The following DGKH variants were observed in gnomAD, a reference collection of about 807,000 sequenced individuals.
The protein encoded by DGKH is DAG kinase eta.
DGKH carries 90 observed loss-of-function variants against 159.3 expected under a neutral mutation model. The ratio of observed to expected loss-of-function variants is 0.57; its 90% CI spans 0.48 to 0.67. DGKH has a LOEUF of 0.67. DGKH is among the 30% of genes least tolerant of loss of function. The pLI is 0.00. For missense variants in DGKH, 1,181 were observed against 1,506.1 expected (o/e 0.78, Z 3.57); for synonymous variants, 536 against 553.8 (o/e 0.97, Z 0.45).
chr13:42,114,305 G>A (rs1435480612), intron 1 of DGKH, among the ~76,000 whole-genome samples: 1 of 152,206 alleles, frequency 6.6e-6, no homozygotes. Context: ...CTGGGTTCCT[G>A]CCAAGGGTCT....
chr13:42,199,957 A>T (rs540390209), intron 20 of DGKH, 48 bp downstream of exon 20: 180 of 1,500,240 alleles, frequency 1.2e-4, no homozygotes, highest in Non-Finnish European at 1.5e-4. Context: ...TTACTTAAAA[A>T]AAATATCGTT....
At chr13:42,041,273 G>A (rs988772864) in intron 1 of DGKH, among the ~76,000 whole-genome samples, 1 of 152,188 alleles carries the variant, frequency 6.6e-6, no homozygotes, top group African/African-American at 2.4e-5. Context: ...CGCGGTCAGC[G>A]TGGGGAGTCT....
intron 17 of DGKH, 43 bp downstream of exon 17, chr13:42,195,059 G>A: frequency 6.3e-7 from 1 of 1,598,470 alleles, no homozygotes; most frequent in Non-Finnish European, 8.5e-7. Flanking sequence ...CAGTATTTCT[G>A]TGAAAAGGTG....
chr13:42,232,418 C>T lies in DGKH; in HGVS notation c.*3230C>T, dbSNP rs1408179581. Reference sequence around the variant, plus strand: ...GACAGAATCAGACCTAAATAAAATTCCTGAGTATGCAATATTTCTCTTTAG... The same window carrying T: ...GACAGAATCAGACCTAAATAAAATTTCTGAGTATGCAATATTTCTCTTTAG... On this transcript the variant is annotated 3_prime_UTR_variant, in exon 30 of 30. Coordinates refer to ENST00000337343, the MANE Select transcript of DGKH (RefSeq NM_178009.5). The T allele has an allele frequency of 1.3e-5, 2 of 152,150 alleles. No homozygotes were observed. Among genetic ancestry groups the T allele is most frequent in the African/African-American group, 2.4e-5 (1 of 41,442 alleles). The allele number at this position is 152,150 out of a possible 1,614,324, so 9.4% of individuals were successfully genotyped here.
At chr13:42,151,529 GTGTA>G (rs1955890231) in intron 3 of DGKH, among the ~76,000 whole-genome samples, 2 of 69,632 alleles carry the variant, frequency 2.9e-5, no homozygotes, top group Admixed American at 4.5e-4. Flanking sequence ...ATATATACAC[GTGTA>G]TATATATATA....
chr13:42,219,593 T>G, intron 27 of DGKH, 93 bp from the exon 28 acceptor site: 2 of 1,304,216 alleles, frequency 1.5e-6, no homozygotes, highest in Non-Finnish European at 2.1e-6. Context: ...TGTTTAGTGT[T>G]TATAACTTAT....
chr13:42,105,189 A>G (rs1954724550), intron 1 of DGKH, among the ~76,000 whole-genome samples: 1 of 152,168 alleles, frequency 6.6e-6, no homozygotes, highest in African/African-American at 2.4e-5. Context: ...AGGGGCTGGC[A>G]TCTTGTAAGG....
At chr13:42,070,242 T>A (rs942445221) in intron 1 of DGKH, 7 of 1,145,624 alleles carry the variant, frequency 6.1e-6, no homozygotes, top group Non-Finnish European at 8.0e-6. Flanking sequence ...GACTAATTCC[T>A]GGAAGTAGCT....
chr13:42,207,577 T>C (rs1312314102), intron 21 of DGKH, among the ~76,000 whole-genome samples: 2 of 151,672 alleles, frequency 1.3e-5, no homozygotes, highest in African/African-American at 4.8e-5. Flanking sequence ...CGGTCGAGTT[T>C]AGGGCTATTT....
In DGKH at chr13:42,215,558, A is replaced by G; in HGVS notation, c.3121-17A>G. The G allele has an allele frequency of 1.3e-6, 2 of 1,578,766 alleles. No individual in the cohort carries two copies. Among genetic ancestry groups the G allele is most frequent in the Non-Finnish European group, 1.7e-6 (2 of 1,152,520 alleles). On this transcript the variant is annotated splice_polypyrimidine_tract_variant and intron_variant, in intron 25 of 29. Transcript: ENST00000337343. ...TTTTAATACAGATCACATGTCTTTG[A>G]TATTCTTCTTTTCTAGAGTCTTACA... is the stretch of plus-strand genomic sequence containing the variant.
chr13:42,134,363 C>T (rs1277533857), intron 3 of DGKH, among the ~76,000 whole-genome samples: 1 of 152,200 alleles, frequency 6.6e-6, no homozygotes, highest in Admixed American at 6.5e-5. Context: ...GATTACTCTT[C>T]CTTTCTTGTG....
At chr13:42,216,692 G>A (rs1027576910) in intron 26 of DGKH, 1 of 152,196 alleles carries the variant, frequency 6.6e-6, no homozygotes, top group Non-Finnish European at 1.5e-5. Context: ...ACCTCCAAAG[G>A]AAACTGAAAC....
upstream of DGKH, among the ~76,000 whole-genome samples, chr13:42,047,246 G>C (rs1038100549): frequency 6.6e-6 from 1 of 151,964 alleles, no homozygotes; most frequent in Non-Finnish European, 1.5e-5. Context: ...TCCAGTATTG[G>C]GATTGCATAC....
In DGKH at chr13:42,159,284, A is replaced by G; in HGVS notation, c.641A>G (p.His214Arg). The G allele has an allele frequency of 1.0e-6, 1 of 976,934 alleles. No individual in the cohort carries two copies. Among genetic ancestry groups the G allele is most frequent in the Non-Finnish European group, 1.5e-6 (1 of 683,190 alleles). 60.5% of individuals were successfully genotyped at this position (976,934 alleles called of 1,614,324 possible). Reference protein sequence around the residue: ...LSCEVCKFKAHKRCAVRATNN... With the variant: ...LSCEVCKFKARKRCAVRATNN... ...TTTTTAGTGTGTAAATTCAAGGCTCACAAAAGATGTGCAGTGAGAGCAACA... is the reference window on the plus strand; with the variant it reads ...TTTTTAGTGTGTAAATTCAAGGCTCGCAAAAGATGTGCAGTGAGAGCAACA... Residue 214 changes from histidine (H) to arginine (R), a missense_variant, in exon 6 of 30, where the codon CAC (histidine) becomes CGC (arginine). This residue lies in a region of DGKH where 369 missense variants were observed against 519.4 expected (regional missense o/e 0.71). Coordinates refer to ENST00000337343, the MANE Select transcript of DGKH (RefSeq NM_178009.5).
At chr13:42,186,980 A>G (rs1268214747) in intron 13 of DGKH, 69 bp from the exon 14 acceptor site, 1 of 1,326,490 alleles carries the variant, frequency 7.5e-7, no homozygotes, top group African/African-American at 1.5e-5. Context: ...TTCTTTTTAA[A>G]TATATTCATA....
intron 20 of DGKH, 81 bp from the exon 21 acceptor site, chr13:42,205,958 T>C: frequency 1.3e-6 from 1 of 756,040 alleles, no homozygotes; most frequent in Non-Finnish European, 1.9e-6. Flanking sequence ...CCTTCATCTT[T>C]AGTGTTTTAG....
rs1431699609 is a variant in DGKH at position 42,236,762 on chromosome 13, G to T, written c.*7574G>T. 1.3e-5 allele frequency: 2 copies of T among 152,380 alleles called. No homozygotes were observed. Among genetic ancestry groups the T allele is most frequent in the Middle Eastern group, 3.4e-3 (1 of 294 alleles). 9.4% of individuals were successfully genotyped at this position (152,380 alleles called of 1,614,324 possible). On this transcript the variant is annotated 3_prime_UTR_variant, in exon 30 of 30. Coordinates refer to ENST00000337343, the MANE Select transcript of DGKH (RefSeq NM_178009.5). ...CCAACTTAATACAAAAATTAGCCAG[G>T]TGTGGTGGTGGGTGCCTGTAATCCC...
downstream of DGKH, among the ~76,000 whole-genome samples, chr13:42,246,801 A>G (rs1186071295): frequency 6.6e-6 from 1 of 152,204 alleles, no homozygotes. Flanking sequence ...CCACAAATGA[A>G]AGTGATCTGA....
At chr13:42,150,118 T>C (rs1259645478) in intron 3 of DGKH, among the ~76,000 whole-genome samples, 1 of 152,246 alleles carries the variant, frequency 6.6e-6, no homozygotes, top group Non-Finnish European at 1.5e-5. Flanking sequence ...CTATGTATTA[T>C]ATAGTGAAAT....
Sources: gnomAD v4.1 joint callset for allele counts (sites outside exome capture counted in the v4.1 genomes callset) on GRCh38, gnomAD v4.1.1 for gene constraint, gnomAD v4.1.1 regional missense constraint, MANE v1.5 for transcripts, NCBI Gene and HGNC (gene_info 2026-07-23, HGNC 2026-07-21) for gene names.